SI: variants seen among roughly 807,000 people sequenced by gnomAD.
SI encodes sucrase-isomaltase, intestinal.
Under a neutral mutation model 253.3 loss-of-function variants are expected in SI, and 235 were observed. That is an observed-to-expected ratio of 0.93 (90% confidence interval 0.83 to 1.03). The LOEUF (loss-of-function observed/expected upper bound fraction) is 1.03. Among genes scored for constraint, SI ranks in the 50% least tolerant of loss-of-function variants. SI has a pLI of 0.00. For synonymous variants in SI, 819 were observed against 712.0 expected (o/e 1.15, Z -2.39); for missense variants, 2,442 against 2,211.1 (o/e 1.10, Z -2.09).
In SI at chr3:164,979,576, T is replaced by C. The variant is rs1717080434; in HGVS notation, c.5416-146A>G. 9.1e-6 allele frequency: 5 copies of C among 546,646 alleles called. No individual in the cohort carries two copies. The South Asian group carries it at 1.2e-4, about 13-fold the overall frequency. The allele number at this position is 546,646 out of a possible 1,614,324, so 33.9% of individuals were successfully genotyped here. Reference sequence around the variant, plus strand: ...TGAGAAATTTTTACTCTCAGAAAGTTTGCAACCATTTCAGCAACAATTTCA... The same window carrying C: ...TGAGAAATTTTTACTCTCAGAAAGTCTGCAACCATTTCAGCAACAATTTCA... On this transcript the variant is annotated intron_variant, in intron 47 of 47. Coordinates refer to ENST00000264382, the MANE Select transcript of SI (RefSeq NM_001041.4).
chr3:165,041,000 T>C lies in SI; in HGVS notation c.2099A>G (p.Tyr700Cys). The change falls in exon 18 of 48, where the codon TAC (tyrosine) becomes TGC (cysteine). Residue 700 changes from tyrosine to cysteine, a missense_variant. Transcript: ENST00000264382. Reference protein sequence around the residue: ...TIRYTLLPFLYTLFYKAHVFG... With the variant: ...TIRYTLLPFLCTLFYKAHVFG... ...CACATGGGCTTTATAAAACAGAGTG[T>C]AGAGGAAGGGTAATAAGGTGTAGCG... The C allele has an allele frequency of 6.2e-7, 1 of 1,612,498 alleles. No individual in the cohort carries two copies. Among genetic ancestry groups the C allele is most frequent in the Non-Finnish European group, 8.5e-7 (1 of 1,178,910 alleles).
At chr3:164,981,871 T>C (rs1186349412) in intron 47 of SI, among the ~76,000 whole-genome samples, 2 of 152,168 alleles carry the variant, frequency 1.3e-5, no homozygotes, top group Admixed American at 6.6e-5. Flanking sequence ...CTGACAGTTT[T>C]ATTAAGTTTG....
the SI span, among the ~76,000 whole-genome samples, chr3:165,087,306 A>G: frequency 3.3e-3 from 508 of 152,252 alleles, no homozygotes; most frequent in Non-Finnish European, 5.6e-3. Flanking sequence ...AGGCCAAACT[A>G]GAACAGAGAA....
chr3:165,063,776 A>G lies in SI; in HGVS notation c.808-235T>C, dbSNP rs1262053299. On this transcript the variant is annotated intron_variant, in intron 7 of 47. Transcript: ENST00000264382. ...TAAAATATATAACATATATAATACTATTAATATATTACTTAACTGTCCTAT... is the reference window on the plus strand; with the variant it reads ...TAAAATATATAACATATATAATACTGTTAATATATTACTTAACTGTCCTAT... Among the ~76,000 whole-genome samples the G allele has an allele frequency of 2.7e-5, 4 of 150,152 alleles. No individual in the cohort carries two copies. In the East Asian group the frequency reaches 5.8e-4, roughly 22 times the overall value.
At chr3:165,047,143 A>T (rs946821065) in intron 15 of SI, 131 bp from the exon 16 acceptor site, 15 of 673,908 alleles carry the variant, frequency 2.2e-5, no homozygotes, top group African/African-American at 3.6e-5. Flanking sequence ...TCTCATCTTG[A>T]ATTGTAACTT....
At chr3:165,074,059 C>A (rs1714780825) in intron 3 of SI, among the ~76,000 whole-genome samples, 2 of 151,970 alleles carry the variant, frequency 1.3e-5, no homozygotes, top group African/African-American at 4.8e-5. Context: ...TTGGTTACAC[C>A]TAATTTTCTC....
chr3:164,992,481 T>G, intron 41 of SI, 84 bp from the exon 42 acceptor site: 1 of 934,294 alleles, frequency 1.1e-6, no homozygotes, highest in Admixed American at 2.5e-5. Context: ...AATTACATTT[T>G]GTAGTATGGA....
Position 165,037,934 on chromosome 3 carries a change from G to A in SI, c.2392C>T (p.Pro798Ser), listed in dbSNP as rs1712614715. ...GLHLRGGYII[P>S]IQEPDVTTTA... ...GTTGTTACATCTGGTTCTTGAATGG[G>A]GATGATATAACCTCCTCTAAGATGT... is the stretch of plus-strand genomic sequence containing the variant. The change falls in exon 21 of 48, where the codon CCC becomes TCC. Residue 798 changes from proline (P) to serine (S), a missense_variant. Pro to Ser is a moderately conservative substitution (Grantham distance 74). Transcript: ENST00000264382. 1 of 1,610,132 alleles carries A rather than the reference G, an allele frequency of 6.2e-7. No individual in the cohort carries two copies. The highest frequency in any genetic ancestry group is 8.5e-7 in the Non-Finnish European group (1 of 1,177,584).
In SI at chr3:165,049,151, T is replaced by A. The variant is rs1316923651; in HGVS notation, c.1691A>T (p.Tyr564Phe). Reference protein sequence around the residue: ...KQYDVHSLYGYSMAIATEQAV... With the variant: ...KQYDVHSLYGFSMAIATEQAV... Reference sequence around the variant, plus strand: ...CTGCTCTGTGGCTATAGCCATGCTGTATCCATAGAGGCTATGAACATCATA... The same window carrying A: ...CTGCTCTGTGGCTATAGCCATGCTGAATCCATAGAGGCTATGAACATCATA... Residue 564 changes from tyrosine (Y) to phenylalanine (F), a missense_variant, in exon 15 of 48, where the codon TAC becomes TTC. Transcript: ENST00000264382. The A allele has an allele frequency of 6.3e-7, 1 of 1,599,582 alleles. No individual in the cohort carries two copies. Among genetic ancestry groups the A allele is most frequent in the African/African-American group, 1.3e-5 (1 of 74,780 alleles).
At chr3:165,069,031 C>A in intron 4 of SI, 47 bp downstream of exon 4, 1 of 1,313,530 alleles carries the variant, frequency 7.6e-7, no homozygotes, top group Non-Finnish European at 1.1e-6. Context: ...ATTTTCGCTC[C>A]AGTTAGAATA....
At chr3:165,074,485 A>T (rs1427485975) in intron 3 of SI, 46 bp downstream of exon 3, 1 of 1,196,066 alleles carries the variant, frequency 8.4e-7, no homozygotes, top group Admixed American at 2.3e-5. Flanking sequence ...TCTTAATATA[A>T]TAATGTATAT....
intron 19 of SI, 81 bp from the exon 20 acceptor site, chr3:165,039,215 AGTC>A: frequency 1.0e-6 from 1 of 953,834 alleles, no homozygotes; most frequent in African/African-American, 1.6e-5. Context: ...GGGTTTTCAT[AGTC>A]AAGGGAAAAA....
chr3:165,004,562 T>C (rs1299195996), intron 37 of SI, among the ~76,000 whole-genome samples: 13 of 152,126 alleles, frequency 8.5e-5, no homozygotes, highest in Non-Finnish European at 2.9e-5. Flanking sequence ...AACAGATGAT[T>C]AGATAAAGTA....
At chr3:165,041,426 G>T (rs1576904071) in intron 17 of SI, among the ~76,000 whole-genome samples, 1 of 152,064 alleles carries the variant, frequency 6.6e-6, no homozygotes, top group East Asian at 1.9e-4. Flanking sequence ...ATCATGGAAT[G>T]TTGTAATCCC....
intron 47 of SI, among the ~76,000 whole-genome samples, chr3:164,980,490 A>T (rs1232385481): frequency 6.6e-6 from 1 of 151,968 alleles, no homozygotes; most frequent in Non-Finnish European, 1.5e-5. Flanking sequence ...AGCAGGGTGG[A>T]GAAAGAAATT....
intron 44 of SI, among the ~76,000 whole-genome samples, chr3:164,988,425 A>C (rs1717545612): frequency 6.6e-6 from 1 of 152,180 alleles, no homozygotes; most frequent in Non-Finnish European, 1.5e-5. Flanking sequence ...TGTGATTAGA[A>C]AGAGTTTTAC....
Position 164,979,388 on chromosome 3 carries a change from C to T in SI, c.5458G>A (p.Glu1820Lys). ...CATGACCAGTTGATTTCTATTGGTT[C>T]TTCTAGAGTAACATTGTGTGTGGTC... ...DLTTHNVTLE[E>K]PIEINWS Residue 1820 changes from glutamate (E) to lysine (K), a missense_variant, in exon 48 of 48, where the codon GAA (glutamate) becomes AAA (lysine). Coordinates refer to ENST00000264382, the MANE Select transcript of SI (RefSeq NM_001041.4). The T allele has an allele frequency of 6.3e-7, 1 of 1,589,784 alleles. No individual in the cohort carries two copies. Among genetic ancestry groups the T allele is most frequent in the Non-Finnish European group, 8.6e-7 (1 of 1,159,444 alleles).
chr3:165,042,264 T>C (rs1304649194), intron 17 of SI, among the ~76,000 whole-genome samples: 1 of 152,076 alleles, frequency 6.6e-6, no homozygotes, highest in Non-Finnish European at 1.5e-5. Flanking sequence ...AATCTCCAAT[T>C]TGTACCTTTT....
At chr3:164,983,973 C>T (rs1717320257) in intron 45 of SI, among the ~76,000 whole-genome samples, 1 of 151,922 alleles carries the variant, frequency 6.6e-6, no homozygotes, top group African/African-American at 2.4e-5. Context: ...GACTATTTGC[C>T]AAATTCTAAA....
Sources: gnomAD v4.1 joint callset for allele counts (sites outside exome capture counted in the v4.1 genomes callset) on GRCh38, gnomAD v4.1.1 for gene constraint, MANE v1.5 for transcripts, NCBI Gene and HGNC (gene_info 2026-07-23, HGNC 2026-07-21) for gene names.